TINAG: variants seen among roughly 807,000 people sequenced by gnomAD.
The protein encoded by TINAG is tubulointerstitial nephritis antigen.
In TINAG, 83 loss-of-function variants were observed where a neutral mutation model predicts 72.7. The ratio of observed to expected loss-of-function variants is 1.14; its 90% CI spans 0.96 to 1.37. TINAG has a LOEUF of 1.37. Among genes scored for constraint, TINAG ranks in the 40% most tolerant of loss-of-function variants. TINAG has a pLI of 0.00. For missense variants in TINAG, 685 were observed against 576.6 expected (o/e 1.19, Z -1.93); for synonymous variants, 234 against 189.9 (o/e 1.23, Z -1.91).
intron 1 of TINAG, among the ~76,000 whole-genome samples, chr6:54,318,395 T>C (rs983781684): frequency 6.6e-5 from 10 of 152,150 alleles, no homozygotes; most frequent in African/African-American, 2.2e-4. Flanking sequence ...CAAGCCAAAG[T>C]CCTAATGAGG....
At chr6:54,314,346 T>C (rs1784325139) in intron 1 of TINAG, among the ~76,000 whole-genome samples, 1 of 152,148 alleles carries the variant, frequency 6.6e-6, no homozygotes, top group Admixed American at 6.6e-5. Flanking sequence ...CCAAAAGTGA[T>C]ATTTGAGTCC....
At chr6:54,342,738 G>T (rs185049632) in intron 4 of TINAG, among the ~76,000 whole-genome samples, 1 of 152,216 alleles carries the variant, frequency 6.6e-6, no homozygotes, top group Non-Finnish European at 1.5e-5. Context: ...TTTCCTAATA[G>T]CTGGTGTAAA....
intron 4 of TINAG, among the ~76,000 whole-genome samples, chr6:54,330,156 A>G (rs1349368204): frequency 6.6e-6 from 1 of 152,196 alleles, no homozygotes; most frequent in Non-Finnish European, 1.5e-5. Flanking sequence ...ACCCCAAATC[A>G]ACAGAATATA....
At chr6:54,342,779 T>TATA (rs1721603866) in intron 4 of TINAG, among the ~76,000 whole-genome samples, 1 of 152,178 alleles carries the variant, frequency 6.6e-6, no homozygotes, top group African/African-American at 2.4e-5. Flanking sequence ...TCTATACACA[T>TATA]ATAATACATA....
At chr6:54,338,507 G>A (rs1194412334) in intron 4 of TINAG, among the ~76,000 whole-genome samples, 1 of 151,906 alleles carries the variant, frequency 6.6e-6, no homozygotes, top group Admixed American at 6.6e-5. Context: ...GGATCACAAG[G>A]TCAGGAGATC....
intron 3 of TINAG, among the ~76,000 whole-genome samples, chr6:54,321,713 C>A (rs1784494801): frequency 6.6e-6 from 1 of 152,080 alleles, no homozygotes; most frequent in Non-Finnish European, 1.5e-5. Context: ...TTCATACTAA[C>A]CATTTCTCCC....
Position 54,317,401 on chromosome 6 carries a change from G to A in TINAG, c.356-3178G>A, listed in dbSNP as rs192675926. On this transcript the variant is annotated intron_variant, in intron 1 of 10. Transcript: ENST00000259782. Reference sequence around the variant, plus strand: ...AGAGGGAATTGAATCACGGGGACAGGTTTTTCCCATGCTGTTCTTGTAGTA... The same window carrying A: ...AGAGGGAATTGAATCACGGGGACAGATTTTTCCCATGCTGTTCTTGTAGTA... Among the ~76,000 whole-genome samples, 218 of 152,212 alleles carry A rather than the reference G, an allele frequency of 1.4e-3. 2 individuals carry two copies. The highest frequency in any genetic ancestry group is 5.0e-3 in the African/African-American group (209 of 41,546).
chr6:54,389,737 T>G, intron 10 of TINAG, 54 bp from the exon 11 acceptor site: 2 of 1,544,070 alleles, frequency 1.3e-6, no homozygotes, highest in Non-Finnish European at 1.7e-6. Context: ...TGGCTTTTTT[T>G]AAAAAATACC....
chr6:54,386,339 C>T (rs542142607), intron 10 of TINAG, among the ~76,000 whole-genome samples: 1 of 152,218 alleles, frequency 6.6e-6, no homozygotes, highest in African/African-American at 2.4e-5. Flanking sequence ...TCCAGTGTAC[C>T]GAGCTGGATC....
intron 2 of TINAG, 75 bp downstream of exon 2, chr6:54,320,717 G>T: frequency 8.2e-7 from 1 of 1,213,098 alleles, no homozygotes; most frequent in Non-Finnish European, 1.2e-6. Flanking sequence ...AAATATTTGT[G>T]AACCAAAGTA....
chr6:54,330,377 G>A (rs1784708936), intron 4 of TINAG, among the ~76,000 whole-genome samples: 1 of 152,100 alleles, frequency 6.6e-6, no homozygotes, highest in Non-Finnish European at 1.5e-5. Flanking sequence ...ACAAAATTAA[G>A]TCAGAAATAA....
At chr6:54,347,909 C>T (rs1301732813) in intron 6 of TINAG, among the ~76,000 whole-genome samples, 2 of 151,950 alleles carry the variant, frequency 1.3e-5, no homozygotes, top group African/African-American at 4.8e-5. Context: ...TAAAATTAGG[C>T]TAAACATAAG....
chr6:54,363,433 T>C (rs185897881), intron 9 of TINAG, among the ~76,000 whole-genome samples: 1 of 151,190 alleles, frequency 6.6e-6, no homozygotes, highest in East Asian at 2.0e-4. Context: ...TCAAGACATA[T>C]TTGGGGAGAA....
intron 9 of TINAG, among the ~76,000 whole-genome samples, chr6:54,356,976 T>TC: frequency 6.6e-6 from 1 of 151,986 alleles, no homozygotes; most frequent in Non-Finnish European, 1.5e-5. Context: ...CCATTTATGT[T>TC]CATTCTTTAC....
intron 1 of TINAG, among the ~76,000 whole-genome samples, chr6:54,309,823 A>G (rs1325929518): frequency 4.2e-5 from 6 of 143,478 alleles, no homozygotes; most frequent in African/African-American, 1.3e-4. Flanking sequence ...TGTCATTTAA[A>G]GAGTCAGAGC....
intron 4 of TINAG, among the ~76,000 whole-genome samples, chr6:54,331,120 A>T (rs1784729990): frequency 6.6e-6 from 1 of 152,250 alleles, no homozygotes; most frequent in African/African-American, 2.4e-5. Context: ...GGCCAGCATC[A>T]TCTTGATACC....
chr6:54,378,788 G>T (rs1049768407), intron 9 of TINAG, among the ~76,000 whole-genome samples: 8 of 152,100 alleles, frequency 5.3e-5, no homozygotes, highest in African/African-American at 1.9e-4. Flanking sequence ...AAGTCTGAAA[G>T]ATCTTACAAA....
At chr6:54,311,749 C>T (rs1171471819) in intron 1 of TINAG, among the ~76,000 whole-genome samples, 3 of 152,124 alleles carry the variant, frequency 2.0e-5, no homozygotes, top group Non-Finnish European at 4.4e-5. Context: ...ATTCACCCCC[C>T]TTTTTTGAAG....
intron 10 of TINAG, among the ~76,000 whole-genome samples, chr6:54,382,402 T>C (rs940356352): frequency 3.9e-5 from 6 of 152,082 alleles, no homozygotes; most frequent in African/African-American, 7.2e-5. Flanking sequence ...ACAATACTCA[T>C]TGAATGAGCA....
Sources: gnomAD v4.1 joint callset for allele counts (sites outside exome capture counted in the v4.1 genomes callset) on GRCh38, gnomAD v4.1.1 for gene constraint, MANE v1.5 for transcripts, NCBI Gene and HGNC (gene_info 2026-07-23, HGNC 2026-07-21) for gene names.